Variants in MYH3 observed in about 807,000 individuals in gnomAD.
MYH3 encodes the protein myosin-3.
In MYH3, 130 loss-of-function variants were observed where a neutral mutation model predicts 238.0. The ratio of observed to expected loss-of-function variants is 0.55; its 90% CI spans 0.47 to 0.63. The LOEUF (loss-of-function observed/expected upper bound fraction) is 0.63, where lower values mean the gene tolerates loss of function less well. MYH3 is among the 30% of genes least tolerant of loss of function. The pLI is 0.00. For missense variants in MYH3, 1,853 were observed against 2,374.9 expected, an observed-to-expected ratio of 0.78 and a Z score of 4.57; for synonymous variants, 880 against 924.1, an observed-to-expected ratio of 0.95 and a Z score of 0.86.
Position 10,637,854 on chromosome 17 carries a change from G to A in MYH3, c.3811C>T (p.Leu1271=), listed in dbSNP as rs1257555204. 1 of 1,614,118 alleles carries A rather than the reference G, an allele frequency of 6.2e-7. No homozygotes were observed. Among genetic ancestry groups the A allele is most frequent in the East Asian group, 2.2e-5 (1 of 44,870 alleles). Residue 1271 remains leucine (L), a synonymous_variant, in exon 28 of 41, where the codon CTG becomes TTG. Transcript: ENST00000583535. ...GACTTCTGTGTGGTCAGCTCGCTCAGGCTCCTCTGAATTTCCTCATTCTTG... is the reference window on the plus strand; with the variant it reads ...GACTTCTGTGTGGTCAGCTCGCTCAAGCTCCTCTGAATTTCCTCATTCTTG... ...RGKNEEIQRS[L]SELTTQKSRL... is the part of the protein sequence containing the mutation.
chr17:10,653,856 T>A (rs2074401872), intron 3 of MYH3, among the ~76,000 whole-genome samples: 1 of 152,228 alleles, frequency 6.6e-6, no homozygotes, highest in South Asian at 2.1e-4. Context: ...TGTATCTAGC[T>A]TCCTCCTTCC....
intron 17 of MYH3, among the ~76,000 whole-genome samples, chr17:10,641,995 G>A (rs183168956): frequency 2.6e-4 from 40 of 152,314 alleles, no homozygotes; most frequent in African/African-American, 8.9e-4. Flanking sequence ...AAATTGGAGA[G>A]TTTATGCTGG....
rs1223837586 is a variant in MYH3, at chr17:10,631,918, C to T, written c.5055G>A (p.Glu1685=). The part of the protein sequence containing the change: ...VERRANLLQA[E]VEELRATLEQ... ...CCAGAGTAGCCCGCAGCTCCTCCACCTCGGCCTGCAGCAGGTTGGCTCTGC... is the reference window on the plus strand; with the variant it reads ...CCAGAGTAGCCCGCAGCTCCTCCACTTCGGCCTGCAGCAGGTTGGCTCTGC... Residue 1685 remains glutamate (E), a synonymous_variant, in exon 35 of 41, where the codon GAG becomes GAA. Coordinates refer to ENST00000583535, the MANE Select transcript of MYH3 (RefSeq NM_002470.4). The T allele has an allele frequency of 1.9e-6, 3 of 1,614,060 alleles. No individual in the cohort carries two copies. Among genetic ancestry groups the T allele is most frequent in the Admixed American group, 1.7e-5 (1 of 60,004 alleles).
At position 10,638,136 on chromosome 17, in the gene MYH3, C is replaced by T. The variant is rs2074232950; in HGVS notation, c.3636G>A (p.Gln1212=). 3 of 1,613,752 alleles carry T rather than the reference C, an allele frequency of 1.9e-6. No individual in the cohort carries two copies. Among genetic ancestry groups the T allele is most frequent in the Non-Finnish European group, 2.5e-6 (3 of 1,179,988 alleles). The change falls in exon 27 of 41, where the codon CAG becomes CAA. Residue 1212 remains glutamine, a synonymous_variant. Transcript: ENST00000583535. ...CCTTCTCCAGCTTCTGCTTGACCCGCTGCAGGTTGTCAATCTGCTCCCCAA... is the reference window on the plus strand; with the variant it reads ...CCTTCTCCAGCTTCTGCTTGACCCGTTGCAGGTTGTCAATCTGCTCCCCAA... The part of the protein sequence containing the change: ...AELGEQIDNL[Q]RVKQKLEKEK...
chr17:10,655,293 C>T (rs926950871), intron 2 of MYH3, among the ~76,000 whole-genome samples: 16 of 152,146 alleles, frequency 1.1e-4, no homozygotes, highest in South Asian at 1.0e-3. Context: ...GCTTCTTGTG[C>T]GACAGTCTTA....
chr17:10,673,690 C>T, the MYH3 span: 2 of 152,186 alleles, frequency 1.3e-5, no homozygotes, highest in African/African-American at 4.8e-5. Flanking sequence ...AATCAGGTTT[C>T]AATTGAGTAT....
intron 4 of MYH3, 46 bp downstream of exon 4, chr17:10,652,374 G>T (rs766663902): frequency 1.2e-6 from 2 of 1,606,024 alleles, no homozygotes; most frequent in South Asian, 1.1e-5. Context: ...TCCCCTGCCC[G>T]CATATCTAAT....
At chr17:10,664,062 TAAAA>T in the MYH3 span, among the ~76,000 whole-genome samples, 3 of 63,340 alleles carry the variant, frequency 4.7e-5, no homozygotes, top group Non-Finnish European at 9.9e-5. Context: ...GACTCCGTCT[TAAAA>T]AAAAAAAAAA....
intron 34 of MYH3, 134 bp downstream of exon 34, chr17:10,632,342 C>T (rs761438039): frequency 3.7e-6 from 4 of 1,070,406 alleles, no homozygotes; most frequent in Non-Finnish European, 5.7e-6. Flanking sequence ...TGGTATCAAA[C>T]TCCTGGGCTC....
intron 28 of MYH3, among the ~76,000 whole-genome samples, chr17:10,636,839 G>A (rs1332393802): frequency 3.3e-5 from 5 of 150,130 alleles, no homozygotes; most frequent in East Asian, 2.1e-4. Context: ...GCTTGAACCC[G>A]GGAGGCGGAG....
At position 10,640,661 on chromosome 17, in the gene MYH3, T is replaced by A; in HGVS notation, c.2191A>T (p.Ile731Phe). ...CTGTCAATGAATTGTCCCTCAGGGA[T>A]TGCACTGGCATTCAGCACTCGGTAT... is the stretch of plus-strand genomic sequence containing the variant. ...QRYRVLNASA[I>F]PEGQFIDSKK... Residue 731 changes from isoleucine to phenylalanine, a missense_variant, in exon 20 of 41, where the codon ATC (isoleucine) becomes TTC (phenylalanine). Around this residue, in one of 3 missense-constraint regions of MYH3, gnomAD observed 678 missense variants for 1,058.9 expected, o/e 0.64. Transcript: ENST00000583535. The A allele has an allele frequency of 6.2e-7, 1 of 1,614,202 alleles. No homozygotes were observed. The highest frequency in any genetic ancestry group is 8.5e-7 in the Non-Finnish European group (1 of 1,180,018).
rs2074409851 is a variant in MYH3 at position 10,654,543 on chromosome 17, C to G, written c.204+318G>C. Among the ~76,000 whole-genome samples, 1 of 152,256 alleles carries G rather than the reference C, an allele frequency of 6.6e-6. No homozygotes were observed. Among genetic ancestry groups the G allele is most frequent in the Non-Finnish European group, 1.5e-5 (1 of 68,046 alleles). ...AGAGTGTTCTGAAACAGCGCTCATT[C>G]ATGTTGAACTCCCAACTCCACACCC... is the stretch of plus-strand genomic sequence containing the variant. On this transcript the variant is annotated intron_variant, in intron 3 of 40. Coordinates refer to ENST00000583535, the MANE Select transcript of MYH3 (RefSeq NM_002470.4). This position sits in a 1 kb window ranked among gnomAD's most constrained non-coding sequence, Gnocchi z 4.5.
chr17:10,669,426 G>A, the MYH3 span, among the ~76,000 whole-genome samples: 1 of 152,000 alleles, frequency 6.6e-6, no homozygotes, highest in African/African-American at 2.4e-5. Context: ...GGTGGCTGGC[G>A]CCTGTAATCC....
intron 12 of MYH3, 76 bp from the exon 13 acceptor site, chr17:10,644,778 G>A (rs1415590815): frequency 3.3e-6 from 4 of 1,224,252 alleles, no homozygotes; most frequent in Non-Finnish European, 3.6e-6. Flanking sequence ...TTCAAAGGTT[G>A]GTTAAGTTCA....
chr17:10,674,077 G>C, the MYH3 span: 1 of 152,198 alleles, frequency 6.6e-6, no homozygotes, highest in African/African-American at 2.4e-5. Context: ...TGGGGGTTGA[G>C]GAGAATCCAT....
At chr17:10,646,301 T>C (rs999675793) in intron 10 of MYH3, among the ~76,000 whole-genome samples, 5 of 152,154 alleles carry the variant, frequency 3.3e-5, no homozygotes, top group Non-Finnish European at 7.3e-5. Flanking sequence ...ATGGTGCATA[T>C]CAGTGTCGGC....
At position 10,640,063 on chromosome 17, in the gene MYH3, T is replaced by G; in HGVS notation, c.2615A>C (p.Lys872Thr). ...DELAKSEAKR[K>T]ELEEKLVTLV... is the part of the protein sequence containing the mutation. Reference sequence around the variant, plus strand: ...AGTCACCAGTTTTTCCTCTAGCTCCTTCCTTTTTGCCTCCGACTTGGCGAG... The same window carrying G: ...AGTCACCAGTTTTTCCTCTAGCTCCGTCCTTTTTGCCTCCGACTTGGCGAG... The change falls in exon 22 of 41, where the codon AAG (lysine) becomes ACG (threonine). Residue 872 changes from lysine to threonine, a missense_variant. By Grantham distance (78) the Lys-to-Thr change is moderately conservative. This residue lies in a region of MYH3 where 678 missense variants were observed against 1,058.9 expected (regional missense o/e 0.64). Transcript: ENST00000583535. 6.2e-7 allele frequency: 1 copy of G among 1,614,148 alleles called. No homozygotes were observed. The highest frequency in any genetic ancestry group is 8.5e-7 in the Non-Finnish European group (1 of 1,180,032).
In MYH3 at chr17:10,631,511, C is replaced by G. The variant is rs749989491; in HGVS notation, c.5286+100G>C. 1.0e-4 allele frequency: 162 copies of G among 1,564,642 alleles called. 1 individual carries two copies. The highest frequency in any genetic ancestry group is 1.4e-4 in the Non-Finnish European group (160 of 1,140,956). ...GAGCCCTCGGGGAGCAGAATGTGCA[C>G]CAGGTGTGGCTGGGGGAGACCGCAC... On this transcript the variant is annotated intron_variant, in intron 36 of 40. Coordinates refer to ENST00000583535, the MANE Select transcript of MYH3 (RefSeq NM_002470.4).
intron 10 of MYH3, 71 bp downstream of exon 10, chr17:10,647,111 T>C: frequency 8.9e-7 from 1 of 1,117,750 alleles, no homozygotes; most frequent in Non-Finnish European, 1.4e-6. Flanking sequence ...TCTACGTAGA[T>C]ACAACTCTCC....
Sources: gnomAD v4.1 joint callset for allele counts (sites outside exome capture counted in the v4.1 genomes callset) on GRCh38, gnomAD v4.1.1 for gene constraint, gnomAD v4.1.1 regional missense constraint, Gnocchi (gnomAD v3.1) non-coding constraint, MANE v1.5 for transcripts, NCBI Gene and HGNC (gene_info 2026-07-23, HGNC 2026-07-21) for gene names.